The following PLCL2 variants were observed in gnomAD, a reference collection of about 807,000 sequenced individuals.
PLCL2 encodes inactive phospholipase C-like protein 2.
Under a neutral mutation model 79.6 loss-of-function variants are expected in PLCL2, and 4 were observed. The ratio of observed to expected loss-of-function variants is 0.05; its 90% CI spans 0.02 to 0.11. The LOEUF (loss-of-function observed/expected upper bound fraction) is 0.11, where lower values mean the gene tolerates loss of function less well. Ranked by LOEUF, PLCL2 falls within the 10% of genes least tolerant of loss-of-function variation. The pLI is 1.00. For missense variants in PLCL2, 895 were observed against 1,291.0 expected (o/e 0.69, Z 4.70); for synonymous variants, 484 against 457.7 (o/e 1.06, Z -0.73).
chr3:16,904,168 C>T (rs1480320580), intron 1 of PLCL2, among the ~76,000 whole-genome samples: 1 of 152,168 alleles, frequency 6.6e-6, no homozygotes, highest in Non-Finnish European at 1.5e-5. Flanking sequence ...GAGCTTTCTA[C>T]ATCCCTGCTT....
chr3:16,926,927 C>A (rs916042128), intron 1 of PLCL2, among the ~76,000 whole-genome samples: 5 of 151,982 alleles, frequency 3.3e-5, no homozygotes. Context: ...CCGCGCCCGG[C>A]CACATTTTTT....
At chr3:17,079,551 G>C (rs561023117) in intron 5 of PLCL2, among the ~76,000 whole-genome samples, 1 of 152,110 alleles carries the variant, frequency 6.6e-6, no homozygotes, top group African/African-American at 2.4e-5. Flanking sequence ...TTGGAGTCAC[G>C]GTCACTCCTC....
Position 16,996,846 on chromosome 3 carries a change from A to G in PLCL2, c.328-12828A>G, listed in dbSNP as rs191943546. ...TTTGATTTTTAAATAAATATTATAG[A>G]TAAAACAGCCAAAGTTGAAAAATCT... is the stretch of plus-strand genomic sequence containing the variant. On this transcript the variant is annotated intron_variant, in intron 1 of 5. Transcript: ENST00000615277. 2.9e-3 allele frequency among the ~76,000 whole-genome samples: 446 copies of G among 152,332 alleles called. 1 individual carries two copies. Among genetic ancestry groups the G allele is most frequent in the African/African-American group, 9.9e-3 (412 of 41,578 alleles).
intron 1 of PLCL2, among the ~76,000 whole-genome samples, chr3:16,983,097 A>G (rs1313220290): frequency 6.6e-6 from 1 of 152,222 alleles, no homozygotes; most frequent in African/African-American, 2.4e-5. Flanking sequence ...AAAAAATCCC[A>G]CTAGGTCTAA....
chr3:16,962,221 A>T (rs540833046), intron 1 of PLCL2, among the ~76,000 whole-genome samples: 17 of 152,284 alleles, frequency 1.1e-4, no homozygotes, highest in African/African-American at 3.4e-4. Context: ...TTTAAAAAAG[A>T]TTTATTTTGA....
At chr3:17,071,399 G>A (rs1301027003) in intron 5 of PLCL2, among the ~76,000 whole-genome samples, 1 of 152,000 alleles carries the variant, frequency 6.6e-6, no homozygotes, top group South Asian at 2.1e-4. Context: ...GCCACACCCA[G>A]AATTATCTAC....
intron 1 of PLCL2, among the ~76,000 whole-genome samples, chr3:16,945,267 C>G (rs1034028244): frequency 6.6e-5 from 10 of 151,942 alleles, no homozygotes; most frequent in Non-Finnish European, 5.9e-5. Context: ...CACACATACA[C>G]ACACATGCAC....
chr3:16,929,029 T>A (rs1226780389), intron 1 of PLCL2, among the ~76,000 whole-genome samples: 1 of 152,098 alleles, frequency 6.6e-6, no homozygotes, highest in East Asian at 1.9e-4. Flanking sequence ...TGGTGGTGAT[T>A]GCTGCACAAG....
Position 16,887,858 on chromosome 3 carries a change from T to C in PLCL2, c.327+2492T>C, listed in dbSNP as rs571485470. On this transcript the variant is annotated intron_variant, in intron 1 of 5. Coordinates refer to ENST00000615277, the MANE Select transcript of PLCL2 (RefSeq NM_001144382.2). The surrounding 1 kb of genome is among the most constrained non-coding windows in gnomAD (Gnocchi z 4.1). Reference sequence around the variant, plus strand: ...CATGTGAAAAAGCAATAGTGACATCTTTCCTTGGTTTCCTTATTTTTTTTA... The same window carrying C: ...CATGTGAAAAAGCAATAGTGACATCCTTCCTTGGTTTCCTTATTTTTTTTA... Among the ~76,000 whole-genome samples, 89 of 152,282 alleles carry C rather than the reference T, an allele frequency of 5.8e-4. 1 individual carries two copies. The highest frequency in any genetic ancestry group is 2.8e-3 in the Admixed American group (43 of 15,300).
intron 1 of PLCL2, among the ~76,000 whole-genome samples, chr3:16,913,356 G>C (rs998237426): frequency 6.6e-6 from 1 of 150,916 alleles, no homozygotes; most frequent in African/African-American, 2.4e-5. Flanking sequence ...GGTGTGCCCT[G>C]TATCTTTTAT....
chr3:16,942,804 G>C (rs568107731), intron 1 of PLCL2, among the ~76,000 whole-genome samples: 20 of 152,232 alleles, frequency 1.3e-4, no homozygotes, highest in Admixed American at 3.3e-4. Flanking sequence ...AGAGAAATTA[G>C]TTATCAAATG....
intron 5 of PLCL2, among the ~76,000 whole-genome samples, chr3:17,075,387 A>G (rs777907743): frequency 3.9e-5 from 6 of 152,154 alleles, no homozygotes; most frequent in Non-Finnish European, 5.9e-5. Flanking sequence ...AAGACCACCA[A>G]TCACAAATCA....
chr3:16,984,304 T>G (rs1030381339), intron 1 of PLCL2, among the ~76,000 whole-genome samples: 4 of 152,180 alleles, frequency 2.6e-5, no homozygotes, highest in Non-Finnish European at 4.4e-5. Context: ...CTATTTTCAC[T>G]GGTTCTTCCT....
chr3:16,994,266 T>C (rs1477036333), intron 1 of PLCL2, among the ~76,000 whole-genome samples: 1 of 152,232 alleles, frequency 6.6e-6, no homozygotes, highest in Admixed American at 6.5e-5. Context: ...TTCACATTAC[T>C]CTATTTTGCA....
chr3:16,920,073 G>A (rs1440700383), intron 1 of PLCL2, among the ~76,000 whole-genome samples: 14 of 152,090 alleles, frequency 9.2e-5, no homozygotes, highest in Non-Finnish European at 1.9e-4. Flanking sequence ...AATATCCTGT[G>A]TGTTTTTACA....
intron 5 of PLCL2, among the ~76,000 whole-genome samples, chr3:17,069,978 C>T (rs1380472480): frequency 6.6e-6 from 1 of 152,166 alleles, no homozygotes; most frequent in Non-Finnish European, 1.5e-5. Flanking sequence ...GTGGGGGGTA[C>T]ACTATAAATT....
intron 5 of PLCL2, among the ~76,000 whole-genome samples, chr3:17,082,553 T>C (rs148633748): frequency 5.7e-4 from 87 of 152,292 alleles, no homozygotes; most frequent in Non-Finnish European, 1.1e-3. Flanking sequence ...CAAGCCCAGA[T>C]TTATTGCCTT....
At chr3:16,888,747 G>A (rs950069026) in intron 1 of PLCL2, among the ~76,000 whole-genome samples, 2 of 152,196 alleles carry the variant, frequency 1.3e-5, no homozygotes, top group Admixed American at 6.5e-5. Context: ...AAAATATGAA[G>A]TAGCATTTTA....
At chr3:16,930,185 G>A (rs1169059007) in intron 1 of PLCL2, among the ~76,000 whole-genome samples, 1 of 152,174 alleles carries the variant, frequency 6.6e-6, no homozygotes, top group Non-Finnish European at 1.5e-5. Context: ...GTGGGTTAGA[G>A]TATGTTTTTT....
Sources: gnomAD v4.1 joint callset for allele counts (sites outside exome capture counted in the v4.1 genomes callset) on GRCh38, gnomAD v4.1.1 for gene constraint, Gnocchi (gnomAD v3.1) non-coding constraint, MANE v1.5 for transcripts, NCBI Gene and HGNC (gene_info 2026-07-23, HGNC 2026-07-21) for gene names.